LCA5L: variants seen among roughly 807,000 people sequenced by gnomAD.
LCA5L encodes the protein lebercilin LCA5 like, also known as lebercilin-like protein.
LCA5L carries 35 observed loss-of-function variants against 45.4 expected under a neutral mutation model. That is an observed-to-expected ratio of 0.77 (90% CI 0.59 to 1.02). The LOEUF is 1.02. LCA5L is among the 50% of genes least tolerant of loss of function. The pLI, the probability that LCA5L is intolerant of heterozygous loss-of-function variation, is 0.00. For synonymous variants in LCA5L, 233 were observed against 264.7 expected (o/e 0.88, Z 1.16); for missense variants, 668 against 761.6 (o/e 0.88, Z 1.45).
intron 5 of LCA5L, among the ~76,000 whole-genome samples, chr21:39,426,968 A>G (rs1398832095): frequency 6.6e-6 from 1 of 152,234 alleles, no homozygotes; most frequent in Non-Finnish European, 1.5e-5. Context: ...AATGCATAGA[A>G]TTTCATGGGG....
intron 5 of LCA5L, among the ~76,000 whole-genome samples, chr21:39,423,875 C>T (rs1456190347): frequency 3.3e-5 from 5 of 152,084 alleles, no homozygotes; most frequent in Admixed American, 3.3e-4. Context: ...TGATAATAGG[C>T]CAGGTGCAGT....
At chr21:39,423,565 T>C in intron 5 of LCA5L, 75 bp from the exon 6 acceptor site, 2 of 1,311,706 alleles carry the variant, frequency 1.5e-6, no homozygotes, top group East Asian at 2.4e-5. Flanking sequence ...GCATAATCTC[T>C]CTCCCATGCC....
Position 39,405,731 on chromosome 21 carries a change from GCAAT to G in LCA5L, c.*147_*150del, listed in dbSNP as rs541735399. ...ATAAAATAGATTTTTTACTAGATTAGCAATCAAACAAAAATTTAATTATCGAAAG... is the reference window on the plus strand; with the variant it reads ...ATAAAATAGATTTTTTACTAGATTAGCAAACAAAAATTTAATTATCGAAAG... On this transcript the variant is annotated 3_prime_UTR_variant, in exon 11 of 11. Coordinates refer to ENST00000288350, the MANE Select transcript of LCA5L (RefSeq NM_152505.4). The G allele has an allele frequency of 1.9e-3, 984 of 507,672 alleles. 2 individuals carry two copies. The highest frequency in any genetic ancestry group is 2.8e-3 in the Non-Finnish European group (861 of 305,652). 31.4% of individuals were successfully genotyped at this position (507,672 alleles called of 1,614,324 possible).
At chr21:39,417,739 T>A (rs763863868) in intron 7 of LCA5L, among the ~76,000 whole-genome samples, 3 of 151,916 alleles carry the variant, frequency 2.0e-5, no homozygotes, top group Non-Finnish European at 2.9e-5. Flanking sequence ...CAGGGGAGCT[T>A]CTTTTTATTT....
At position 39,434,359 on chromosome 21, in the gene LCA5L, A is replaced by G. The variant is rs530676211; in HGVS notation, c.-92+1061T>C. On this transcript the variant is annotated intron_variant, in intron 3 of 10. Coordinates refer to ENST00000288350, the MANE Select transcript of LCA5L (RefSeq NM_152505.4). ...TTGACTGATGACTAGTATCAGGCCT[A>G]TAACTGTACTTTTAAGTTGATTAAA... Among the ~76,000 whole-genome samples, 27 of 152,350 alleles carry G rather than the reference A, an allele frequency of 1.8e-4. No individual in the cohort carries two copies. In the South Asian group the frequency reaches 4.8e-3, roughly 27 times the overall value.
At chr21:39,425,251 T>C (rs1326241490) in intron 5 of LCA5L, among the ~76,000 whole-genome samples, 1 of 152,180 alleles carries the variant, frequency 6.6e-6, no homozygotes, top group Non-Finnish European at 1.5e-5. Context: ...TGTGGACACA[T>C]CTGAGATGTG....
At chr21:39,431,456 T>C (rs919620336) in intron 3 of LCA5L, among the ~76,000 whole-genome samples, 1 of 152,026 alleles carries the variant, frequency 6.6e-6, no homozygotes, top group Non-Finnish European at 1.5e-5. Flanking sequence ...AGGGTGGTCT[T>C]ACCATAAAGA....
chr21:39,408,782 G>T (rs931607960), intron 10 of LCA5L: 93 of 152,246 alleles, frequency 6.1e-4, no homozygotes, highest in African/African-American at 2.2e-3. Flanking sequence ...CCATGGATCT[G>T]AGGGTTTTTC....
At chr21:39,430,241 T>C (rs568800818) in intron 3 of LCA5L, among the ~76,000 whole-genome samples, 32 of 152,292 alleles carry the variant, frequency 2.1e-4, no homozygotes, top group Admixed American at 1.0e-3. Context: ...TGGTTGCTAA[T>C]CCGCAAGAAG....
At chr21:39,418,198 G>A (rs1416179277) in intron 7 of LCA5L, among the ~76,000 whole-genome samples, 2 of 152,146 alleles carry the variant, frequency 1.3e-5, no homozygotes, top group Non-Finnish European at 2.9e-5. Context: ...TGGGAACTGT[G>A]GGAGCTACAA....
At chr21:39,422,158 G>A (rs976683455) in intron 6 of LCA5L, 1 of 152,138 alleles carries the variant, frequency 6.6e-6, no homozygotes, top group African/African-American at 2.4e-5. Flanking sequence ...AGATTAAAAC[G>A]TGGAGGAAAC....
chr21:39,430,644 G>A (rs78998740), intron 3 of LCA5L, among the ~76,000 whole-genome samples: 175 of 152,252 alleles, frequency 1.1e-3, no homozygotes, highest in African/African-American at 4.1e-3. Context: ...AGAGGCACTG[G>A]AATGAGACAG....
In LCA5L at chr21:39,423,281, G is replaced by A. The variant is rs372477670; in HGVS notation, c.532C>T (p.Leu178Phe). The change falls in exon 6 of 11, where the codon CTT (leucine) becomes TTT (phenylalanine). Residue 178 changes from leucine (L) to phenylalanine (F), a missense_variant. By Grantham distance (22) the Leu-to-Phe change is conservative (BLOSUM62 0). Coordinates refer to ENST00000288350, the MANE Select transcript of LCA5L (RefSeq NM_152505.4). ...ILTENQFLKQ[L>F]QLRHLKAIGK... ...ATAGCTTTCAAATGCCTAAGCTGAA[G>A]TTGTTTCAAAAATTGGTTTTCTGTA... The A allele has an allele frequency of 1.3e-5, 21 of 1,609,160 alleles. No homozygotes were observed. The African/African-American group carries it at 1.6e-4, about 12-fold the overall frequency.
chr21:39,440,110 C>G (rs1210027104), intron 2 of LCA5L, among the ~76,000 whole-genome samples: 7 of 152,080 alleles, frequency 4.6e-5, no homozygotes, highest in Admixed American at 4.6e-4. Flanking sequence ...TATTTTTCCC[C>G]TAACTCTGCT....
At chr21:39,410,795 A>G (rs923926537) in intron 8 of LCA5L, 11 of 469,926 alleles carry the variant, frequency 2.3e-5, no homozygotes, top group Admixed American at 4.7e-5. Context: ...GAAGGAAATT[A>G]TATCATTTAA....
At chr21:39,419,616 T>C (rs1601804582) in intron 7 of LCA5L, among the ~76,000 whole-genome samples, 1 of 152,206 alleles carries the variant, frequency 6.6e-6, no homozygotes, top group East Asian at 1.9e-4. Flanking sequence ...CCCATAGTGA[T>C]ACTTTTACGA....
At chr21:39,433,627 T>G (rs552329549) in intron 3 of LCA5L, among the ~76,000 whole-genome samples, 1 of 152,280 alleles carries the variant, frequency 6.6e-6, no homozygotes, top group African/African-American at 2.4e-5. Context: ...AAGACTATCC[T>G]TTTCCCACTC....
intron 4 of LCA5L, 139 bp downstream of exon 4, chr21:39,428,992 G>A (rs1022512851): frequency 6.6e-6 from 1 of 151,990 alleles, no homozygotes; most frequent in African/African-American, 2.4e-5. Flanking sequence ...GGAATAGAAA[G>A]TGAAATACAA....
At chr21:39,435,391 T>A (rs913866117) in intron 3 of LCA5L, 29 bp downstream of exon 3, 12 of 152,110 alleles carry the variant, frequency 7.9e-5, no homozygotes, top group Non-Finnish European at 7.3e-5. Context: ...TAAAACACAC[T>A]AAAATGTTTG....
Sources: gnomAD v4.1 joint callset for allele counts (sites outside exome capture counted in the v4.1 genomes callset) on GRCh38, gnomAD v4.1.1 for gene constraint, MANE v1.5 for transcripts, NCBI Gene and HGNC (gene_info 2026-07-23, HGNC 2026-07-21) for gene names.